Variants in TSHZ3 observed in about 807,000 individuals in gnomAD.
TSHZ3 encodes the protein teashirt zinc finger homeobox 3, also known as teashirt homolog 3.
TSHZ3 carries 10 observed loss-of-function variants against 64.5 expected under a neutral mutation model. That is an observed-to-expected ratio of 0.16 (90% CI 0.10 to 0.26). The LOEUF (loss-of-function observed/expected upper bound fraction) is 0.26. TSHZ3 is among the 10% of genes least tolerant of loss of function. The pLI is 1.00. For missense variants in TSHZ3, 1,242 were observed against 1,421.7 expected (o/e 0.87, Z 2.03); for synonymous variants, 608 against 593.1 (o/e 1.03, Z -0.36).
chr19:31,221,478 C>T (rs80075340), intron 4 of TSHZ3, among the ~76,000 whole-genome samples: 6,472 of 152,260 alleles, frequency 0.043, 202 homozygotes, highest in South Asian at 0.087. Context: ...AATCCACTCC[C>T]GGCCTCAGCC....
chr19:31,346,890 C>T (rs1158196792), intron 1 of TSHZ3, among the ~76,000 whole-genome samples: 1 of 150,632 alleles, frequency 6.6e-6, no homozygotes, highest in African/African-American at 2.4e-5. Context: ...GCTCTTCAGT[C>T]CGCCTCCACC....
intron 1 of TSHZ3, among the ~76,000 whole-genome samples, chr19:31,263,186 C>T (rs1487733215): frequency 5.9e-5 from 9 of 152,106 alleles, no homozygotes; most frequent in East Asian, 5.8e-4. Context: ...TTGGAGGTCC[C>T]GGAGGACAGG....
At chr19:31,339,344 G>A (rs910708018) in intron 1 of TSHZ3, among the ~76,000 whole-genome samples, 7 of 152,126 alleles carry the variant, frequency 4.6e-5, no homozygotes, top group Middle Eastern at 6.8e-3. Context: ...AACCTCTCCC[G>A]TGCCTCTGCC....
chr19:31,154,197 G>T (rs1228014018), intron 6 of TSHZ3, among the ~76,000 whole-genome samples: 2 of 152,194 alleles, frequency 1.3e-5, no homozygotes, highest in African/African-American at 4.8e-5. Context: ...ACCCGTAGGT[G>T]CCTTGAGCCC....
chr19:31,191,776 T>C (rs1474714180), intron 5 of TSHZ3, among the ~76,000 whole-genome samples: 2 of 152,050 alleles, frequency 1.3e-5, no homozygotes, highest in Admixed American at 1.3e-4. Context: ...GGAGGATTGC[T>C]TGAGCCCAGG....
At chr19:31,190,082 T>C (rs1974878997) in intron 5 of TSHZ3, among the ~76,000 whole-genome samples, 1 of 152,310 alleles carries the variant, frequency 6.6e-6, no homozygotes, top group Admixed American at 6.5e-5. Context: ...TGAAGTAGCA[T>C]ATAGTTACAT....
At chr19:31,349,064 A>G (rs1314679181) in intron 1 of TSHZ3, 116 bp downstream of exon 1, 2 of 1,323,916 alleles carry the variant, frequency 1.5e-6, no homozygotes, top group South Asian at 1.4e-5. Flanking sequence ...CGGCGCCCGG[A>G]GTTACTCAGT....
chr19:31,265,162 T>A (rs1400984528), intron 1 of TSHZ3, among the ~76,000 whole-genome samples: 1 of 151,644 alleles, frequency 6.6e-6, no homozygotes, highest in Non-Finnish European at 1.5e-5. Flanking sequence ...GTTGGGAGGC[T>A]GAGGGAGGTG....
At chr19:31,166,987 G>A (rs1055400484) in intron 5 of TSHZ3, among the ~76,000 whole-genome samples, 1 of 152,266 alleles carries the variant, frequency 6.6e-6, no homozygotes, top group Middle Eastern at 3.4e-3. Flanking sequence ...ACACAAAAAG[G>A]GGAAGGCTCC....
intron 5 of TSHZ3, among the ~76,000 whole-genome samples, chr19:31,194,694 T>C (rs1316197184): frequency 6.6e-6 from 1 of 152,198 alleles, no homozygotes; most frequent in Non-Finnish European, 1.5e-5. Flanking sequence ...GTACAAGGCA[T>C]ACTAAAAAGC....
chr19:31,266,561 G>T, intron 1 of TSHZ3, among the ~76,000 whole-genome samples: 1 of 151,976 alleles, frequency 6.6e-6, no homozygotes, highest in East Asian at 1.9e-4. Context: ...CCATTAACAC[G>T]ACCCTTTTCA....
At chr19:31,168,318 C>G (rs963428991) in intron 5 of TSHZ3, among the ~76,000 whole-genome samples, 8 of 152,132 alleles carry the variant, frequency 5.3e-5, no homozygotes, top group Non-Finnish European at 1.2e-4. Flanking sequence ...GGTGCTATCT[C>G]ATGGGAAATA....
At chr19:31,333,277 C>T (rs1917148976) in intron 1 of TSHZ3, among the ~76,000 whole-genome samples, 1 of 152,112 alleles carries the variant, frequency 6.6e-6, no homozygotes, top group African/African-American at 2.4e-5. Flanking sequence ...AGCTGCCCTC[C>T]CTAACACTAC....
rs1021029019 is a variant in TSHZ3 at position 31,175,020 on chromosome 19, G to A, written n.810-18603C>T. On this transcript the variant is annotated intron_variant and non_coding_transcript_variant, in intron 5 of 6. Transcript: ENST00000651361. ...CAGCAAATCAAAGCCCAAACAGGGC[G>A]GGTCCCAGGCTGGGCTTTCCTGGAA... Among the ~76,000 whole-genome samples, 63 of 152,292 alleles carry A rather than the reference G, an allele frequency of 4.1e-4. 1 individual carries two copies. The highest frequency in any genetic ancestry group is 1.4e-3 in the African/African-American group (59 of 41,550).
intron 4 of TSHZ3, among the ~76,000 whole-genome samples, chr19:31,226,956 C>T (rs1242589917): frequency 1.1e-4 from 13 of 116,578 alleles, no homozygotes; most frequent in Admixed American, 2.7e-4. Flanking sequence ...TTTTCTTTTT[C>T]TTCTCTTTCT....
At chr19:31,185,955 C>G (rs1301290633) in intron 5 of TSHZ3, among the ~76,000 whole-genome samples, 1 of 152,178 alleles carries the variant, frequency 6.6e-6, no homozygotes, top group Non-Finnish European at 1.5e-5. Context: ...TCTGGCTTCT[C>G]TCACCCACCA....
intron 5 of TSHZ3, among the ~76,000 whole-genome samples, chr19:31,162,108 A>T (rs1321958561): frequency 6.6e-6 from 1 of 152,156 alleles, no homozygotes; most frequent in African/African-American, 2.4e-5. Flanking sequence ...CAATGTGGTG[A>T]TTTGAAGCTT....
intron 1 of TSHZ3, among the ~76,000 whole-genome samples, chr19:31,314,507 T>C (rs966908492): frequency 6.6e-6 from 1 of 152,180 alleles, no homozygotes; most frequent in African/African-American, 2.4e-5. Flanking sequence ...TTCTGATGCA[T>C]TGTGAATCAT....
chr19:31,156,195 G>A (rs1272315335), intron 6 of TSHZ3, among the ~76,000 whole-genome samples: 1 of 152,182 alleles, frequency 6.6e-6, no homozygotes, highest in African/African-American at 2.4e-5. Flanking sequence ...AAGAAGGCAG[G>A]ACTCTGTCTG....
Sources: gnomAD v4.1 joint callset for allele counts (sites outside exome capture counted in the v4.1 genomes callset) on GRCh38, gnomAD v4.1.1 for gene constraint, MANE v1.5 for transcripts, NCBI Gene and HGNC (gene_info 2026-07-23, HGNC 2026-07-21) for gene names.